The following DCAF4 variants were observed in gnomAD, a reference collection of about 807,000 sequenced individuals.
DCAF4 encodes the protein DDB1 and CUL4 associated factor 4.
A neutral mutation model predicts 60.9 loss-of-function variants in DCAF4; 37 were observed. The observed-to-expected ratio is 0.61, with a 90% CI of 0.47 to 0.80. DCAF4 has a LOEUF of 0.80. DCAF4 is among the 30% of genes least tolerant of loss of function. The pLI, the probability that DCAF4 is intolerant of heterozygous loss-of-function variation, is 0.00. For synonymous variants in DCAF4, 243 were observed against 254.8 expected (o/e 0.95, Z 0.44); for missense variants, 577 against 650.0 (o/e 0.89, Z 1.22).
intron 1 of DCAF4, among the ~76,000 whole-genome samples, chr14:72,937,410 CTTTTT>C (rs11288108): frequency 9.5e-6 from 1 of 105,750 alleles, no homozygotes; most frequent in Non-Finnish European, 1.8e-5. Context: ...TTTTTCTTTT[CTTTTT>C]TTTTTTTTTT....
At chr14:72,936,577 A>AT (rs1209419883) in intron 1 of DCAF4, among the ~76,000 whole-genome samples, 1 of 151,842 alleles carries the variant, frequency 6.6e-6, no homozygotes, top group Non-Finnish European at 1.5e-5. Context: ...AAAAAAAAAA[A>AT]AATACACACA....
intron 9 of DCAF4, 43 bp downstream of exon 9, chr14:72,951,920 C>T: frequency 6.2e-7 from 1 of 1,607,172 alleles, no homozygotes; most frequent in Non-Finnish European, 8.5e-7. Context: ...CCTCTGTCTC[C>T]CGAGAGCTGT....
rs920810037 is a variant in DCAF4 at position 72,939,826 on chromosome 14, C to T, written c.117C>T (p.Pro39=). Reference sequence around the variant, plus strand: ...GGTCTGACTCCCGGGCAGCACAGCCCGCTCACGATTCCGGCCACGGTGATG... The same window carrying T: ...GGTCTGACTCCCGGGCAGCACAGCCTGCTCACGATTCCGGCCACGGTGATG... ...EDRSDSRAAQ[P]AHDSGHGDDE... is the part of the protein sequence containing the mutation. Residue 39 remains proline, a synonymous_variant, in exon 3 of 14, where the codon CCC becomes CCT. Transcript: ENST00000358377. 26 of 1,612,870 alleles carry T rather than the reference C, an allele frequency of 1.6e-5. No homozygotes were observed. Among genetic ancestry groups the T allele is most frequent in the East Asian group, 2.2e-5 (1 of 44,816 alleles).
chr14:72,951,494 C>T (rs1384526560), intron 8 of DCAF4, among the ~76,000 whole-genome samples: 2 of 152,036 alleles, frequency 1.3e-5, no homozygotes, highest in African/African-American at 2.4e-5. Context: ...GCCTGTAATC[C>T]CAGCTACTCA....
At chr14:72,929,543 A>C (rs1265560656) in intron 1 of DCAF4, 2 of 837,128 alleles carry the variant, frequency 2.4e-6, no homozygotes, top group East Asian at 2.7e-5. Flanking sequence ...CTACAAAAAT[A>C]TTTTTTATTT....
At chr14:72,927,999 CTA>C (rs1406049964) in intron 1 of DCAF4, among the ~76,000 whole-genome samples, 2 of 151,880 alleles carry the variant, frequency 1.3e-5, no homozygotes, top group Non-Finnish European at 2.9e-5. Flanking sequence ...GGGTGTCTCA[CTA>C]TGTTGCCCAG....
At chr14:72,950,513 C>T (rs1891272060) in intron 8 of DCAF4, among the ~76,000 whole-genome samples, 1 of 152,056 alleles carries the variant, frequency 6.6e-6, no homozygotes, top group South Asian at 2.1e-4. Flanking sequence ...GCCTGGATTT[C>T]AGTGGAGGAA....
In DCAF4 at chr14:72,953,828, G is replaced by A. The variant is rs868359802; in HGVS notation, c.809-336G>A. ...TGTGTGTGTGTGTGTGTGTGTGTGTGTATATACACACACACTTGCCTGAGA... is the reference window on the plus strand; with the variant it reads ...TGTGTGTGTGTGTGTGTGTGTGTGTATATATACACACACACTTGCCTGAGA... On this transcript the variant is annotated intron_variant, in intron 9 of 13. Transcript: ENST00000358377. Among the ~76,000 whole-genome samples the A allele has an allele frequency of 1.2e-3, 108 of 93,734 alleles. 4 individuals carry two copies. In the South Asian group the frequency reaches 0.025, roughly 21 times the overall value. 61.5% of individuals were successfully genotyped at this position (93,734 alleles called of 152,430 possible). A position where few individuals can be genotyped will look rare whatever the true frequency, so the allele number is the denominator to read the frequency against.
Position 72,943,107 on chromosome 14 carries a change from G to A in DCAF4, c.534+11G>A. ...TTTAACCTCATACTGGTGAGTGGGA[G>A]GGGGACACCTGCCTAGGGTGTGGCT... On this transcript the variant is annotated intron_variant, in intron 6 of 13. Transcript: ENST00000358377. 1.2e-6 allele frequency: 2 copies of A among 1,613,036 alleles called. No individual in the cohort carries two copies. Among genetic ancestry groups the A allele is most frequent in the South Asian group, 1.1e-5 (1 of 91,036 alleles).
rs774561690 is a variant in DCAF4, at chr14:72,943,088, C to CT, written c.527dup (p.Ile177HisfsTer8). On this transcript the variant is annotated frameshift_variant, in exon 6 of 14. Transcript: ENST00000358377. LOFTEE classifies it high-confidence loss of function. Reference sequence around the variant, plus strand: ...CGCCTTGGCAAGCGACCGATTTAACCTCATACTGGTGAGTGGGAGGGGGAC... The same window carrying CT: ...CGCCTTGGCAAGCGACCGATTTAACCTTCATACTGGTGAGTGGGAGGGGGAC... 1 of 1,614,114 alleles carries CT rather than the reference C, an allele frequency of 6.2e-7. No individual in the cohort carries two copies. The highest frequency in any genetic ancestry group is 1.1e-5 in the South Asian group (1 of 91,078).
chr14:72,945,996 T>C lies in DCAF4; in HGVS notation c.647T>C (p.Met216Thr), dbSNP rs935285882. ...SLKTPTLKVF[M>T]HENLYFTNRK... Reference sequence around the variant, plus strand: ...AAGACCCCTACGCTCAAGGTGTTCATGCACGAAAACCTCTACTTCACCAAC... The same window carrying C: ...AAGACCCCTACGCTCAAGGTGTTCACGCACGAAAACCTCTACTTCACCAAC... Residue 216 changes from methionine (M) to threonine (T), a missense_variant, in exon 7 of 14, where the codon ATG (methionine) becomes ACG (threonine). Physicochemically the swap from Met to Thr is moderately conservative, Grantham distance 81 (BLOSUM62 -1). Coordinates refer to ENST00000358377, the MANE Select transcript of DCAF4 (RefSeq NM_015604.4). 4.3e-6 allele frequency: 7 copies of C among 1,614,164 alleles called. No homozygotes were observed. The highest frequency in any genetic ancestry group is 2.2e-5 in the East Asian group (1 of 44,886).
At chr14:72,961,797 A>G, downstream of DCAF4, 1 of 1,018,638 alleles carries the variant, frequency 9.8e-7, no homozygotes, top group Non-Finnish European at 1.2e-6. Flanking sequence ...GGGAATGGGG[A>G]AGCCAAGAGG....
chr14:72,951,920 C>G (rs1406987045), intron 9 of DCAF4, 43 bp downstream of exon 9: 17 of 1,607,054 alleles, frequency 1.1e-5, no homozygotes, highest in Non-Finnish European at 1.4e-5. Context: ...CCTCTGTCTC[C>G]CGAGAGCTGT....
In DCAF4 at chr14:72,951,250, G is replaced by A. The variant is rs556353854; in HGVS notation, c.729-548G>A. ...CCTGCCTCAGCTTCCCAAAGTGCTG[G>A]GATTACATAGGCAGGAGCCACCACA... On this transcript the variant is annotated intron_variant, in intron 8 of 13. Transcript: ENST00000358377. Among the ~76,000 whole-genome samples the A allele has an allele frequency of 2.0e-5, 3 of 152,046 alleles. No individual in the cohort carries two copies. The South Asian group carries it at 6.2e-4, about 32-fold the overall frequency.
At chr14:72,936,907 G>A (rs1889353323) in intron 1 of DCAF4, among the ~76,000 whole-genome samples, 1 of 152,188 alleles carries the variant, frequency 6.6e-6, no homozygotes, top group Non-Finnish European at 1.5e-5. Context: ...CCAAGAGAAA[G>A]ATATTACAGA....
chr14:72,936,391 C>A (rs1030347287), intron 1 of DCAF4, among the ~76,000 whole-genome samples: 1 of 152,040 alleles, frequency 6.6e-6, no homozygotes, highest in Non-Finnish European at 1.5e-5. Context: ...TGGTGAAACC[C>A]CATCTCTACT....
Position 72,958,638 on chromosome 14 carries a change from T to A in DCAF4, c.1321T>A (p.Trp441Arg). The stretch of plus-strand genomic sequence containing the variant: ...GGGCCAGGACTGCTACACGAGAATC[T>A]GGAGCCTCCACGATGCCCGCCTACT... Reference protein sequence around the residue: ...AVGQDCYTRIWSLHDARLLRT... With the variant: ...AVGQDCYTRIRSLHDARLLRT... The change falls in exon 14 of 14, where the codon TGG (tryptophan) becomes AGG (arginine). Residue 441 changes from tryptophan to arginine, a missense_variant. Trp to Arg is a moderately radical substitution (Grantham distance 101, BLOSUM62 -3). Transcript: ENST00000358377. The A allele has an allele frequency of 6.2e-7, 1 of 1,614,222 alleles. No homozygotes were observed. Among genetic ancestry groups the A allele is most frequent in the Non-Finnish European group, 8.5e-7 (1 of 1,180,032 alleles).
chr14:72,929,605 A>G (rs1375967353), intron 1 of DCAF4: 2 of 1,033,696 alleles, frequency 1.9e-6, no homozygotes, highest in Admixed American at 2.0e-5. Context: ...AGGGCAGGGG[A>G]GGGGGCTCAG....
chr14:72,954,450 C>T lies in DCAF4; in HGVS notation c.972C>T (p.Asn324=), dbSNP rs1337994816. 5 of 1,614,096 alleles carry T rather than the reference C, an allele frequency of 3.1e-6. No homozygotes were observed. The highest frequency in any genetic ancestry group is 4.2e-6 in the Non-Finnish European group (5 of 1,180,056). The change falls in exon 11 of 14, where the codon AAC becomes AAT. Residue 324 remains asparagine (N), a synonymous_variant. Coordinates refer to ENST00000358377, the MANE Select transcript of DCAF4 (RefSeq NM_015604.4). ...GACACCGGCAGTCCTTTGGGACCAA[C>T]AGTGATGTCTTGGCCCAGCAGTTTG... ...VTGHRQSFGT[N]SDVLAQQFAL... is the part of the protein sequence containing the mutation.
Sources: allele counts gnomAD v4.1 joint callset (sites outside exome capture counted in the v4.1 genomes callset), GRCh38; gene constraint gnomAD v4.1.1; transcripts MANE v1.5; gene names NCBI Gene and HGNC (gene_info 2026-07-23, HGNC 2026-07-21).